MYOZ2: variants seen among roughly 807,000 people sequenced by gnomAD.
MYOZ2 encodes the protein myozenin-2.
MYOZ2 carries 19 observed loss-of-function variants against 25.4 expected under a neutral mutation model. The ratio of observed to expected loss-of-function variants is 0.75; its 90% confidence interval spans 0.52 to 1.10. The LOEUF (loss-of-function observed/expected upper bound fraction) is 1.10. Among genes scored for constraint, MYOZ2 ranks in the 50% least tolerant of loss-of-function variants. The pLI is 0.00. For missense variants in MYOZ2, 270 were observed against 317.9 expected (o/e 0.85, Z 1.15); for synonymous variants, 92 against 106.9 (o/e 0.86, Z 0.86).
chr4:119,144,425 G>A (rs1741241607), intron 2 of MYOZ2, among the ~76,000 whole-genome samples: 1 of 152,152 alleles, frequency 6.6e-6, no homozygotes, highest in Non-Finnish European at 1.5e-5. Flanking sequence ...GAACATTTGG[G>A]TATATGATTT....
chr4:119,154,652 C>G (rs1231806333), intron 3 of MYOZ2, among the ~76,000 whole-genome samples: 1 of 152,084 alleles, frequency 6.6e-6, no homozygotes, highest in Non-Finnish European at 1.5e-5. Flanking sequence ...ACTTAGAAAA[C>G]ATTACTCTTT....
At chr4:119,146,050 A>G (rs1458055220) in intron 2 of MYOZ2, among the ~76,000 whole-genome samples, 1 of 152,124 alleles carries the variant, frequency 6.6e-6, no homozygotes, top group Non-Finnish European at 1.5e-5. Context: ...TCTGTTTGCT[A>G]TCTGCAGTGT....
intron 2 of MYOZ2, among the ~76,000 whole-genome samples, chr4:119,148,474 T>C (rs1263715022): frequency 6.6e-6 from 1 of 152,136 alleles, no homozygotes; most frequent in East Asian, 1.9e-4. Flanking sequence ...GGAACTTCAA[T>C]GACATGAATG....
intron 4 of MYOZ2, among the ~76,000 whole-genome samples, chr4:119,159,957 A>T (rs758706732): frequency 2.0e-5 from 3 of 152,194 alleles, no homozygotes; most frequent in Non-Finnish European, 2.9e-5. Context: ...ATGGCAGAAA[A>T]GCAGGTAATA....
chr4:119,183,119 A>G (rs1471558295), intron 5 of MYOZ2, among the ~76,000 whole-genome samples: 1 of 152,194 alleles, frequency 6.6e-6, no homozygotes, highest in Admixed American at 6.5e-5. Flanking sequence ...GCCAGGTCCT[A>G]TGGTACAATG....
At chr4:119,157,419 A>C (rs1331382330) in intron 3 of MYOZ2, among the ~76,000 whole-genome samples, 1 of 152,188 alleles carries the variant, frequency 6.6e-6, no homozygotes, top group East Asian at 1.9e-4. Flanking sequence ...TTTAAAAGAC[A>C]AATGTATTTT....
chr4:119,175,327 T>G (rs1465348190), intron 5 of MYOZ2, among the ~76,000 whole-genome samples: 1 of 152,212 alleles, frequency 6.6e-6, no homozygotes, highest in Non-Finnish European at 1.5e-5. Flanking sequence ...TGTGTCTTCT[T>G]TGATGTAATT....
At chr4:119,147,435 A>G (rs1411740080) in intron 2 of MYOZ2, among the ~76,000 whole-genome samples, 3 of 152,042 alleles carry the variant, frequency 2.0e-5, no homozygotes, top group Non-Finnish European at 4.4e-5. Context: ...TACCAGTGCA[A>G]GTATAGAAAA....
At chr4:119,143,375 T>C (rs1741216239) in intron 2 of MYOZ2, among the ~76,000 whole-genome samples, 1 of 152,034 alleles carries the variant, frequency 6.6e-6, no homozygotes, top group South Asian at 2.1e-4. Context: ...TTTGTATTTT[T>C]AGTAGAGATG....
intron 3 of MYOZ2, among the ~76,000 whole-genome samples, chr4:119,157,027 T>C (rs955632398): frequency 3.3e-5 from 5 of 152,184 alleles, no homozygotes; most frequent in African/African-American, 1.2e-4. Context: ...GAAATTGCTA[T>C]AAAGTTAAAT....
intron 4 of MYOZ2, among the ~76,000 whole-genome samples, chr4:119,162,697 A>T (rs1741738490): frequency 6.6e-6 from 1 of 152,228 alleles, no homozygotes; most frequent in Admixed American, 6.5e-5. Context: ...CGTATCCAAG[A>T]TAATTCAGAC....
At chr4:119,182,597 A>T (rs534604577) in intron 5 of MYOZ2, among the ~76,000 whole-genome samples, 1 of 152,262 alleles carries the variant, frequency 6.6e-6, no homozygotes, top group Non-Finnish European at 1.5e-5. Context: ...TCCACTTCAG[A>T]TCATCAGGCA....
intron 5 of MYOZ2, among the ~76,000 whole-genome samples, chr4:119,171,939 G>A (rs1197385590): frequency 6.6e-6 from 1 of 151,952 alleles, no homozygotes; most frequent in African/African-American, 2.4e-5. Context: ...AATATTGTTT[G>A]GTAGTTTACA....
chr4:119,141,419 G>T (rs2149218835), intron 2 of MYOZ2, among the ~76,000 whole-genome samples: 1 of 152,130 alleles, frequency 6.6e-6, no homozygotes, highest in East Asian at 1.9e-4. Flanking sequence ...GTCTTGCTCT[G>T]TTGCCCAGGC....
chr4:119,157,050 G>A (rs572745546), intron 3 of MYOZ2, among the ~76,000 whole-genome samples: 7 of 152,210 alleles, frequency 4.6e-5, no homozygotes, highest in Admixed American at 1.3e-4. Context: ...GTGTTAAAAT[G>A]TAAAGGTATA....
chr4:119,183,524 T>C (rs1437614561), intron 5 of MYOZ2, among the ~76,000 whole-genome samples: 1 of 152,164 alleles, frequency 6.6e-6, no homozygotes, highest in African/African-American at 2.4e-5. Flanking sequence ...AAAACCTGCA[T>C]GATTGACCTC....
In MYOZ2 at chr4:119,186,543, G is replaced by T; in HGVS notation, c.*343G>T. 1 of 248,216 alleles carries T rather than the reference G, an allele frequency of 4.0e-6. No homozygotes were observed. Among genetic ancestry groups the T allele is most frequent in the Non-Finnish European group, 7.8e-6 (1 of 127,658 alleles). 15.4% of individuals were successfully genotyped at this position (248,216 alleles called of 1,614,324 possible). A position where few individuals can be genotyped will look rare whatever the true frequency, so the allele number is the denominator to read the frequency against. ...TTATTACAGTGTAAGTTTTTCAAGT[G>T]GAATCTAGAATCAAAATACAGGGAG... is the stretch of plus-strand genomic sequence containing the variant. On this transcript the variant is annotated 3_prime_UTR_variant, in exon 6 of 6. Coordinates refer to ENST00000307128, the MANE Select transcript of MYOZ2 (RefSeq NM_016599.5).
At chr4:119,165,452 A>G (rs1398940349) in intron 5 of MYOZ2, among the ~76,000 whole-genome samples, 1 of 152,082 alleles carries the variant, frequency 6.6e-6, no homozygotes, top group Non-Finnish European at 1.5e-5. Context: ...TGGAAGTTGC[A>G]GTGAGCTGAA....
chr4:119,183,963 C>T (rs946287818), intron 5 of MYOZ2, among the ~76,000 whole-genome samples: 3 of 151,882 alleles, frequency 2.0e-5, no homozygotes, highest in African/African-American at 4.8e-5. Flanking sequence ...TACAGGCATG[C>T]GCCACCATGC....
Sources: gnomAD v4.1 joint callset for allele counts (sites outside exome capture counted in the v4.1 genomes callset) on GRCh38, gnomAD v4.1.1 for gene constraint, MANE v1.5 for transcripts, NCBI Gene and HGNC (gene_info 2026-07-23, HGNC 2026-07-21) for gene names.